Variants in MYOZ2 observed in about 807,000 individuals in gnomAD.
MYOZ2 encodes the protein myozenin-2.
In MYOZ2, 19 loss-of-function variants were observed where a neutral mutation model predicts 25.4. The ratio of observed to expected loss-of-function variants is 0.75; its 90% confidence interval spans 0.52 to 1.10. The LOEUF is 1.10. MYOZ2 is among the 50% of genes least tolerant of loss of function. The probability of loss-of-function intolerance (pLI) is 0.00; values close to 1 mark genes in which losing one functional copy is unlikely to be tolerated. For missense variants in MYOZ2, 270 were observed against 317.9 expected (o/e 0.85, Z 1.15); for synonymous variants, 92 against 106.9 (o/e 0.86, Z 0.86).
intron 5 of MYOZ2, among the ~76,000 whole-genome samples, chr4:119,164,675 T>C (rs1433347705): frequency 6.6e-6 from 1 of 152,320 alleles, no homozygotes; most frequent in African/African-American, 2.4e-5. Flanking sequence ...AAAAATGTTA[T>C]TTTAATAATA....
rs759989431 is a variant in MYOZ2 at position 119,164,374 on chromosome 4, T to C, written c.540T>C (p.Pro180=). 3 of 1,614,064 alleles carry C rather than the reference T, an allele frequency of 1.9e-6. No individual in the cohort carries two copies. Among genetic ancestry groups the C allele is most frequent in the Non-Finnish European group, 2.5e-6 (3 of 1,179,954 alleles). The part of the protein sequence containing the change: ...LFKPEGKAEL[P]DYRSFNRVAT... ...AGCCTGAAGGAAAGGCAGAACTGCC[T>C]GATTACAGGAGCTTTAACAGGTAAT... Residue 180 remains proline, a synonymous_variant, in exon 5 of 6, where the codon CCT becomes CCC. Transcript: ENST00000307128.
rs140384497 is a variant in MYOZ2, at chr4:119,167,527, G to A, written c.560+3133G>A. On this transcript the variant is annotated intron_variant, in intron 5 of 5. Transcript: ENST00000307128. ...CAAATTATCCAGAAGATCTAGCTAA[G>A]AGGATTGATGAAAGTGGCTACAGTA... 2.1e-3 allele frequency among the ~76,000 whole-genome samples: 320 copies of A among 152,336 alleles called. 2 individuals carry two copies. Among genetic ancestry groups the A allele is most frequent in the African/African-American group, 7.3e-3 (302 of 41,574 alleles).
At chr4:119,159,909 A>AT (rs1250807231) in intron 4 of MYOZ2, among the ~76,000 whole-genome samples, 1 of 152,216 alleles carries the variant, frequency 6.6e-6, no homozygotes, top group East Asian at 1.9e-4. Context: ...GAAATGGATT[A>AT]TTTTAATGAA....
Position 119,186,078 on chromosome 4 carries a change from C to A in MYOZ2, c.673C>A (p.Pro225Thr), listed in dbSNP as rs1309021294. The A allele has an allele frequency of 1.9e-6, 3 of 1,613,782 alleles. No individual in the cohort carries two copies. The highest frequency in any genetic ancestry group is 1.3e-5 in the African/African-American group (1 of 74,892). The change falls in exon 6 of 6, where the codon CCC (proline) becomes ACC (threonine). Residue 225 changes from proline (P) to threonine (T), a missense_variant. Physicochemically the swap from Pro to Thr is conservative, Grantham distance 38. Transcript: ENST00000307128. Reference sequence around the variant, plus strand: ...TCCCAGGTTTATGTCCTTTGTCAATCCCCTTTCTGGCAGACGGTCCTTTAA... The same window carrying A: ...TCCCAGGTTTATGTCCTTTGTCAATACCCTTTCTGGCAGACGGTCCTTTAA... ...TDPRFMSFVN[P>T]LSGRRSFNRT...
intron 4 of MYOZ2, among the ~76,000 whole-genome samples, chr4:119,160,254 A>G (rs1172234863): frequency 1.3e-5 from 2 of 152,108 alleles, no homozygotes; most frequent in Non-Finnish European, 2.9e-5. Flanking sequence ...TTCTTATGCA[A>G]TAGAATACAC....
rs751294999 is a variant in MYOZ2 at position 119,186,054 on chromosome 4, C to A, written c.649C>A (p.Pro217Thr). 5 of 1,613,928 alleles carry A rather than the reference C, an allele frequency of 3.1e-6. No individual in the cohort carries two copies. In the South Asian group the frequency reaches 5.5e-5, roughly 18 times the overall value. The change falls in exon 6 of 6, where the codon CCC (proline) becomes ACC (threonine). Residue 217 changes from proline (P) to threonine (T), a missense_variant. Physicochemically the swap from Pro to Thr is conservative, Grantham distance 38 (BLOSUM62 -1). Transcript: ENST00000307128. The stretch of plus-strand genomic sequence containing the variant: ...TTTTGAGCTACTATTGCTAACAGAT[C>A]CCAGGTTTATGTCCTTTGTCAATCC... ...PDFELLLLTD[P>T]RFMSFVNPLS...
At chr4:119,146,131 C>T (rs1741285205) in intron 2 of MYOZ2, among the ~76,000 whole-genome samples, 1 of 152,064 alleles carries the variant, frequency 6.6e-6, no homozygotes, top group Non-Finnish European at 1.5e-5. Flanking sequence ...CCATGTTAAT[C>T]TTACTAGAGA....
intron 2 of MYOZ2, among the ~76,000 whole-genome samples, chr4:119,141,678 G>A (rs1399420048): frequency 2.6e-4 from 39 of 152,084 alleles, no homozygotes; most frequent in Non-Finnish European, 4.9e-4. Context: ...CACCATGCCC[G>A]GCCTTATTTT....
At chr4:119,176,594 G>A (rs1346651256) in intron 5 of MYOZ2, among the ~76,000 whole-genome samples, 1 of 152,160 alleles carries the variant, frequency 6.6e-6, no homozygotes, top group Non-Finnish European at 1.5e-5. Context: ...TCTGAGATAA[G>A]AAGTGTTCTT....
chr4:119,185,945 T>G, intron 5 of MYOZ2, 21 bp from the exon 6 acceptor site: 2 of 1,584,544 alleles, frequency 1.3e-6, no homozygotes, highest in Non-Finnish European at 1.7e-6. Flanking sequence ...TGAGATCTGT[T>G]TTTTTTTTAA....
intron 3 of MYOZ2, among the ~76,000 whole-genome samples, chr4:119,154,431 C>T (rs1367700667): frequency 1.3e-5 from 2 of 152,058 alleles, no homozygotes; most frequent in Non-Finnish European, 2.9e-5. Context: ...TACTATCTAA[C>T]TATTATAAGG....
chr4:119,149,485 T>A (rs569009445), intron 2 of MYOZ2, among the ~76,000 whole-genome samples: 1 of 152,336 alleles, frequency 6.6e-6, no homozygotes, highest in South Asian at 2.1e-4. Flanking sequence ...TCCTGGTCCT[T>A]TAGCTGGAGA....
At chr4:119,183,451 T>C (rs1742228763) in intron 5 of MYOZ2, among the ~76,000 whole-genome samples, 1 of 150,810 alleles carries the variant, frequency 6.6e-6, no homozygotes, top group African/African-American at 2.4e-5. Context: ...TTAGAGGCAG[T>C]GAGGTAGGAG....
chr4:119,173,072 T>C (rs1741979887), intron 5 of MYOZ2, among the ~76,000 whole-genome samples: 1 of 152,248 alleles, frequency 6.6e-6, no homozygotes, highest in Admixed American at 6.5e-5. Flanking sequence ...TTAACTTTTA[T>C]ACAATCATTT....
chr4:119,160,636 CTT>C (rs1741687146), intron 4 of MYOZ2, among the ~76,000 whole-genome samples: 1 of 152,036 alleles, frequency 6.6e-6, no homozygotes, highest in East Asian at 1.9e-4. Context: ...CAGAGAGAGA[CTT>C]TGTGGGGGGA....
intron 5 of MYOZ2, among the ~76,000 whole-genome samples, chr4:119,185,176 C>G (rs1742264005): frequency 7.1e-6 from 1 of 140,120 alleles, no homozygotes; most frequent in African/African-American, 2.7e-5. Context: ...TCCTTTCCTT[C>G]TTTCTTTCTT....
In MYOZ2 at chr4:119,143,855, C is replaced by G. The variant is rs28793088; in HGVS notation, c.77-7017C>G. On this transcript the variant is annotated intron_variant, in intron 2 of 5. Coordinates refer to ENST00000307128, the MANE Select transcript of MYOZ2 (RefSeq NM_016599.5). ...TACTTAGAAATATACATTTAAGAAT[C>G]CTTCATGTCTTTTCATGGCTTGATA... Among the ~76,000 whole-genome samples, 582 of 152,112 alleles carry G rather than the reference C, an allele frequency of 3.8e-3. 6 individuals carry two copies. Among genetic ancestry groups the G allele is most frequent in the African/African-American group, 0.014 (561 of 41,488 alleles).
chr4:119,175,920 G>A (rs1742063669), intron 5 of MYOZ2, among the ~76,000 whole-genome samples: 1 of 152,068 alleles, frequency 6.6e-6, no homozygotes, highest in Non-Finnish European at 1.5e-5. Context: ...ATTTTGCACT[G>A]GGTTCTAAAA....
chr4:119,150,871 G>C lies in MYOZ2; in HGVS notation c.77-1G>C, dbSNP rs1741431601. ...TTACTCATATGAATATTGTTTTACA[G>C]ATGTTGATGGCATGGACCTGGGCAA... is the stretch of plus-strand genomic sequence containing the variant. On this transcript the variant is annotated splice_acceptor_variant, in intron 2 of 5. Transcript: ENST00000307128. LOFTEE classifies it high-confidence loss of function. 1 of 1,613,126 alleles carries C rather than the reference G, an allele frequency of 6.2e-7. No individual in the cohort carries two copies. Among genetic ancestry groups the C allele is most frequent in the African/African-American group, 1.3e-5 (1 of 74,882 alleles).
Sources: allele counts gnomAD v4.1 joint callset (sites outside exome capture counted in the v4.1 genomes callset), GRCh38; gene constraint gnomAD v4.1.1; transcripts MANE v1.5; gene names NCBI Gene and HGNC (gene_info 2026-07-23, HGNC 2026-07-21).